The following SGF29 variants were observed in gnomAD, a reference collection of about 807,000 sequenced individuals.
SGF29 encodes SAGA-associated factor 29.
SGF29 carries 15 observed loss-of-function variants against 38.1 expected under a neutral mutation model. The observed-to-expected ratio is 0.39, with a 90% confidence interval of 0.26 to 0.61. The LOEUF (loss-of-function observed/expected upper bound fraction) is 0.61. SGF29 is among the 20% of genes least tolerant of loss of function. The probability of loss-of-function intolerance (pLI) is 0.49; values close to 1 mark genes in which losing one functional copy is unlikely to be tolerated. For synonymous variants in SGF29, 151 were observed against 160.8 expected (o/e 0.94, Z 0.46); for missense variants, 184 against 394.6 (o/e 0.47, Z 4.52).
In SGF29 at chr16:28,590,039, C is replaced by T. The variant is rs899305498; in HGVS notation, c.290-57C>T. 42 of 1,566,558 alleles carry T rather than the reference C, an allele frequency of 2.7e-5. No individual in the cohort carries two copies. Among genetic ancestry groups the T allele is most frequent in the East Asian group, 6.8e-5 (3 of 44,046 alleles). On this transcript the variant is annotated intron_variant, in intron 5 of 9. Coordinates refer to ENST00000317058, the MANE Select transcript of SGF29 (RefSeq NM_138414.3). The surrounding 1 kb of genome is among the most constrained non-coding windows in gnomAD (Gnocchi z 8.2). ...CTTCAACAGCTCAGTGCAGCATGCT[C>T]GGGGGTCAAGGCCGGCACCTATCCC...
intron 1 of SGF29, among the ~76,000 whole-genome samples, chr16:28,562,940 C>A (rs563920588): frequency 6.5e-4 from 92 of 141,836 alleles, no homozygotes; most frequent in African/African-American, 2.0e-3. Flanking sequence ...CTTAGTTCTT[C>A]TACTTTTAAG....
At chr16:28,561,546 CAAAA>C (rs930168265) in intron 1 of SGF29, among the ~76,000 whole-genome samples, 7 of 151,930 alleles carry the variant, frequency 4.6e-5, no homozygotes, top group African/African-American at 1.7e-4. Context: ...AAACAAAAAA[CAAAA>C]AAACACAAAA....
At position 28,564,555 on chromosome 16, in the gene SGF29, A is replaced by ATATATATATACGTATATATATACACG. The variant is rs1202334209; in HGVS notation, c.-16+10470_-16+10495dup. Among the ~76,000 whole-genome samples the ATATATATATACGTATATATATACACG allele has an allele frequency of 8.1e-3, 1,074 of 132,214 alleles. 24 individuals carry two copies. Among genetic ancestry groups the ATATATATATACGTATATATATACACG allele is most frequent in the African/African-American group, 0.029 (1,007 of 34,356 alleles). 86.7% of individuals were successfully genotyped at this position (132,214 alleles called of 152,430 possible). On this transcript the variant is annotated intron_variant, in intron 1 of 9. Coordinates refer to ENST00000317058, the MANE Select transcript of SGF29 (RefSeq NM_138414.3). Reference sequence around the variant, plus strand: ...TATATATATGTATATATATACGTATATATATATATACGTATATATATACAC... The same window carrying ATATATATATACGTATATATATACACG: ...TATATATATGTATATATATACGTATATATATATATACGTATATATATACACGTATATATATACGTATATATATACAC...
At chr16:28,560,324 C>T (rs2046778901) in intron 1 of SGF29, among the ~76,000 whole-genome samples, 1 of 151,004 alleles carries the variant, frequency 6.6e-6, no homozygotes, top group Admixed American at 6.6e-5. Context: ...GGCACAGTGG[C>T]TCACGCCTGT....
intron 1 of SGF29, among the ~76,000 whole-genome samples, chr16:28,572,399 G>C (rs1308083977): frequency 6.6e-6 from 1 of 152,214 alleles, no homozygotes; most frequent in Non-Finnish European, 1.5e-5. Flanking sequence ...CCTCCGAGTA[G>C]CTGGGATTAC....
At chr16:28,586,332 G>T (rs533722067) in intron 4 of SGF29, among the ~76,000 whole-genome samples, 7 of 151,552 alleles carry the variant, frequency 4.6e-5, no homozygotes, top group Non-Finnish European at 1.0e-4. Flanking sequence ...TGAGGTTGGG[G>T]GTTTGAGACC....
At chr16:28,568,957 G>A (rs574910776) in intron 1 of SGF29, among the ~76,000 whole-genome samples, 8 of 148,796 alleles carry the variant, frequency 5.4e-5, no homozygotes, top group African/African-American at 1.2e-4. Flanking sequence ...GCGTGGTGGC[G>A]TGTGCCTGTA....
intron 1 of SGF29, among the ~76,000 whole-genome samples, chr16:28,561,795 C>T (rs1204594274): frequency 1.3e-5 from 2 of 152,156 alleles, no homozygotes; most frequent in Non-Finnish European, 2.9e-5. Flanking sequence ...GCCACTTGGC[C>T]TGGAAGTGCA....
intron 1 of SGF29, among the ~76,000 whole-genome samples, chr16:28,564,729 A>C (rs1275981645): frequency 3.8e-4 from 2 of 5,208 alleles, no homozygotes; most frequent in African/African-American, 8.7e-4. Context: ...ATATATATAC[A>C]TATATATGTA....
chr16:28,572,058 C>T (rs1273535986), intron 1 of SGF29, among the ~76,000 whole-genome samples: 2 of 152,190 alleles, frequency 1.3e-5, no homozygotes, highest in Admixed American at 6.5e-5. Context: ...CGGCTCACTG[C>T]AAGCTCTGCC....
chr16:28,575,486 GC>G (rs1347559848), intron 1 of SGF29, among the ~76,000 whole-genome samples: 1 of 152,136 alleles, frequency 6.6e-6, no homozygotes, highest in East Asian at 1.9e-4. Context: ...TTTGAGACCA[GC>G]CTGGTCAACA....
At chr16:28,559,656 G>A (rs1596595364) in intron 1 of SGF29, among the ~76,000 whole-genome samples, 1 of 152,110 alleles carries the variant, frequency 6.6e-6, no homozygotes, top group East Asian at 1.9e-4. Flanking sequence ...GATTACAGGT[G>A]TGAGCCACCG....
intron 1 of SGF29, among the ~76,000 whole-genome samples, chr16:28,569,701 G>A (rs1435136843): frequency 2.1e-4 from 32 of 152,094 alleles, no homozygotes; most frequent in Admixed American, 2.1e-3. Context: ...TGAAAGGTGT[G>A]GCCAAGCCAT....
Position 28,584,991 on chromosome 16 carries a change from G to GAGTA in SGF29, c.151+4_151+7dup. ...GCGGATGCAGACAGAGAACAAGAGT[G>GAGTA]AGTAGCTGGGCTCAGGAGAGAAAGG... On this transcript the variant is annotated splice_donor_region_variant and intron_variant, in intron 3 of 9. Transcript: ENST00000317058. 6.2e-7 allele frequency: 1 copy of GAGTA among 1,613,284 alleles called. No individual in the cohort carries two copies. Among genetic ancestry groups the GAGTA allele is most frequent in the Non-Finnish European group, 8.5e-7 (1 of 1,179,418 alleles).
At chr16:28,581,940 T>C (rs1023724789) in intron 2 of SGF29, among the ~76,000 whole-genome samples, 9 of 151,860 alleles carry the variant, frequency 5.9e-5, no homozygotes, top group African/African-American at 2.2e-4. Flanking sequence ...AAGCCATTTT[T>C]CCCCTATTTG....
chr16:28,564,601 ATG>A (rs1264784325), intron 1 of SGF29, among the ~76,000 whole-genome samples: 5 of 133,006 alleles, frequency 3.8e-5, no homozygotes, highest in Middle Eastern at 3.5e-3. Context: ...ACACACATAT[ATG>A]TGTATATATA....
At chr16:28,591,071 C>T (rs1331267507) in intron 9 of SGF29, 136 bp downstream of exon 9, 2 of 1,133,004 alleles carry the variant, frequency 1.8e-6, no homozygotes, top group Non-Finnish European at 1.2e-6. Context: ...ACCAGCTGCC[C>T]TCCCTCTTCC....
chr16:28,579,375 A>G (rs1337998919), intron 1 of SGF29, among the ~76,000 whole-genome samples: 1 of 147,844 alleles, frequency 6.8e-6, no homozygotes, highest in Non-Finnish European at 1.5e-5. Flanking sequence ...CTCCTGCCTC[A>G]GCTTCCTGAG....
At chr16:28,564,183 G>A (rs1181394259) in intron 1 of SGF29, among the ~76,000 whole-genome samples, 1 of 152,120 alleles carries the variant, frequency 6.6e-6, no homozygotes, top group Non-Finnish European at 1.5e-5. Flanking sequence ...CAGCAATGCT[G>A]TTAACCAGCA....
Sources: gnomAD v4.1 joint callset for allele counts (sites outside exome capture counted in the v4.1 genomes callset) on GRCh38, gnomAD v4.1.1 for gene constraint, Gnocchi (gnomAD v3.1) non-coding constraint, MANE v1.5 for transcripts, NCBI Gene and HGNC (gene_info 2026-07-23, HGNC 2026-07-21) for gene names.